The following MRGPRF variants were observed in gnomAD, a reference collection of about 807,000 sequenced individuals.
The protein encoded by MRGPRF is MAS related GPR family member F.
Under a neutral mutation model 3.3 loss-of-function variants are expected in MRGPRF, and 2 were observed. The ratio of observed to expected loss-of-function variants is 0.61; its 90% CI spans 0.25 to 1.92. The LOEUF (loss-of-function observed/expected upper bound fraction) is 1.92. Ranked by LOEUF, MRGPRF falls within the 40% of genes most tolerant of loss-of-function variation. MRGPRF has a pLI of 0.16. For missense variants in MRGPRF, 500 were observed against 476.0 expected (o/e 1.05, Z -0.47); for synonymous variants, 242 against 222.7 (o/e 1.09, Z -0.77).
In MRGPRF at chr11:69,006,279, G is replaced by C; in HGVS notation, c.49-18C>G. 1 of 1,583,722 alleles carries C rather than the reference G, an allele frequency of 6.3e-7. No homozygotes were observed. The highest frequency in any genetic ancestry group is 8.6e-7 in the Non-Finnish European group (1 of 1,165,856). On this transcript the variant is annotated intron_variant, in intron 2 of 2. Coordinates refer to ENST00000309099, the MANE Select transcript of MRGPRF (RefSeq NM_145015.5). ...GGGCACATCTGCGCAGGTGCAGAGA[G>C]GGACACCTGTGATGCCGGCTGGCCC...
intron 1 of MRGPRF, among the ~76,000 whole-genome samples, chr11:69,010,340 G>A (rs1317203961): frequency 2.0e-5 from 3 of 152,262 alleles, no homozygotes; most frequent in African/African-American, 4.8e-5. Flanking sequence ...GGGTTTCCCA[G>A]CAATCGGTCC....
chr11:69,005,301 A>G lies in MRGPRF; in HGVS notation c.1009T>C (p.Cys337Arg). ...TPNTVTMEMQCPPGNAS is the reference protein window; with the variant it reads ...TPNTVTMEMQRPPGNAS ...TCTCAGGAGGCGTTCCCCGGGGGAC[A>G]CTGCATCTCCATGGTGACTGTGTTG... The change falls in exon 3 of 3, where the codon TGT becomes CGT. Residue 337 changes from cysteine (C) to arginine (R), a missense_variant. By Grantham distance (180) the Cys-to-Arg change is radical (BLOSUM62 -3). Transcript: ENST00000309099. The G allele has an allele frequency of 1.3e-6, 2 of 1,522,432 alleles. No homozygotes were observed. Among genetic ancestry groups the G allele is most frequent in the Non-Finnish European group, 1.8e-6 (2 of 1,139,270 alleles). 94.3% of individuals were successfully genotyped at this position (1,522,432 alleles called of 1,614,324 possible).
Position 69,013,204 on chromosome 11 carries a change from A to G in MRGPRF, c.-178T>C, listed in dbSNP as rs1860640690. On this transcript the variant is annotated 5_prime_UTR_variant, in exon 1 of 3. Transcript: ENST00000309099. ...CGCCGAGCGCGGCCCGGAGCCTTGGAAAATAGGAGCTCAGAGTAGAGCCCT... is the reference window on the plus strand; with the variant it reads ...CGCCGAGCGCGGCCCGGAGCCTTGGGAAATAGGAGCTCAGAGTAGAGCCCT... The G allele has an allele frequency of 6.6e-6, 1 of 152,136 alleles. No individual in the cohort carries two copies. Among genetic ancestry groups the G allele is most frequent in the Non-Finnish European group, 1.5e-5 (1 of 68,054 alleles). 9.4% of individuals were successfully genotyped at this position (152,136 alleles called of 1,614,324 possible).
At position 69,005,447 on chromosome 11, in the gene MRGPRF, G is replaced by C. The variant is rs1860453062; in HGVS notation, c.863C>G (p.Pro288Arg). Residue 288 changes from proline to arginine, a missense_variant, in exon 3 of 3, where the codon CCC becomes CGC. Coordinates refer to ENST00000309099, the MANE Select transcript of MRGPRF (RefSeq NM_145015.5). Reference sequence around the variant, plus strand: ...CCTCCCGGCCAGGAAGTAGACGATGGGCTTGGCGCTGCTGTTGATGCAGAT... The same window carrying C: ...CCTCCCGGCCAGGAAGTAGACGATGCGCTTGGCGCTGCTGTTGATGCAGAT... ...LCICINSSAK[P>R]IVYFLAGRDK... 1.9e-6 allele frequency: 3 copies of C among 1,589,550 alleles called. No individual in the cohort carries two copies. Among genetic ancestry groups the C allele is most frequent in the Non-Finnish European group, 2.6e-6 (3 of 1,168,226 alleles).
Position 69,009,917 on chromosome 11 carries a change from G to C in MRGPRF, c.-16C>G, listed in dbSNP as rs776925419. The C allele has an allele frequency of 1.9e-6, 3 of 1,599,516 alleles. No homozygotes were observed. The highest frequency in any genetic ancestry group is 1.7e-5 in the Admixed American group (1 of 59,286). ...TTCCAGCCATCTCCAGGCCTGGCGCGTCTGGGCCCCTGCTGGCAGCTCACC... is the reference window on the plus strand; with the variant it reads ...TTCCAGCCATCTCCAGGCCTGGCGCCTCTGGGCCCCTGCTGGCAGCTCACC... On this transcript the variant is annotated 5_prime_UTR_variant, in exon 2 of 3. Transcript: ENST00000309099.
chr11:69,009,504 G>C, intron 2 of MRGPRF: 1 of 582,492 alleles, frequency 1.7e-6, no homozygotes, highest in South Asian at 2.1e-5. Context: ...GCGTCCCAGG[G>C]CTTCCTGGCC....
chr11:69,009,848 A>T lies in MRGPRF; in HGVS notation c.48+6T>A, dbSNP rs1309228328. On this transcript the variant is annotated splice_donor_region_variant and intron_variant, in intron 2 of 2. Coordinates refer to ENST00000309099, the MANE Select transcript of MRGPRF (RefSeq NM_145015.5). ...AAGACCAGGGCCCTCCGCCTGTGGC[A>T]CTTACCTTGTTCCTGTTGCCGGGAT... 3.7e-6 allele frequency: 6 copies of T among 1,608,850 alleles called. No individual in the cohort carries two copies. Among genetic ancestry groups the T allele is most frequent in the Admixed American group, 1.7e-5 (1 of 59,950 alleles).
chr11:69,008,974 G>C (rs1261242640), intron 2 of MRGPRF, among the ~76,000 whole-genome samples: 1 of 152,226 alleles, frequency 6.6e-6, no homozygotes, highest in Non-Finnish European at 1.5e-5. Flanking sequence ...TAGAATGCCT[G>C]CTCTGGAGCC....
At position 69,005,173 on chromosome 11, in the gene MRGPRF, T is replaced by A; in HGVS notation, c.*105A>T. On this transcript the variant is annotated 3_prime_UTR_variant, in exon 3 of 3. Transcript: ENST00000309099. ...AGGAGGCCCGAGGAGAGGAAACAGA[T>A]CTTTCTTCTCCTGTATGGACTCAGA... is the stretch of plus-strand genomic sequence containing the variant. The A allele has an allele frequency of 6.6e-6, 9 of 1,355,582 alleles. No homozygotes were observed. Among genetic ancestry groups the A allele is most frequent in the African/African-American group, 1.5e-5 (1 of 67,906 alleles). The allele number at this position is 1,355,582 out of a possible 1,614,324, so 84.0% of individuals were successfully genotyped here. A position where few individuals can be genotyped will look rare whatever the true frequency, so the allele number is the denominator to read the frequency against.
intron 1 of MRGPRF, among the ~76,000 whole-genome samples, chr11:69,010,831 T>C (rs1406800213): frequency 6.6e-6 from 1 of 152,134 alleles, no homozygotes; most frequent in Non-Finnish European, 1.5e-5. Flanking sequence ...CTCATGGGTC[T>C]GCCTGCCTTG....
At chr11:69,010,134 G>C (rs1860566214) in intron 1 of MRGPRF, among the ~76,000 whole-genome samples, 177 bp from the exon 2 acceptor site, 1 of 152,246 alleles carries the variant, frequency 6.6e-6, no homozygotes, top group Non-Finnish European at 1.5e-5. Context: ...AGATTCTGGA[G>C]GTCACCCCTG....
At position 69,009,780 on chromosome 11, in the gene MRGPRF, A is replaced by T. The variant is rs571185598; in HGVS notation, c.48+74T>A. On this transcript the variant is annotated intron_variant, in intron 2 of 2. Coordinates refer to ENST00000309099, the MANE Select transcript of MRGPRF (RefSeq NM_145015.5). The stretch of plus-strand genomic sequence containing the variant: ...CAGGAAGGGGGGGATGGGGGAGGAG[A>T]TGCTGGGCTGGGTCTGCCCCTCCCA... The T allele has an allele frequency of 8.6e-5, 132 of 1,532,418 alleles. No homozygotes were observed. The African/African-American group carries it at 1.6e-3, about 18-fold the overall frequency. 94.9% of individuals were successfully genotyped at this position (1,532,418 alleles called of 1,614,324 possible).
chr11:69,010,321 T>A (rs1258859119), intron 1 of MRGPRF, among the ~76,000 whole-genome samples: 1 of 152,244 alleles, frequency 6.6e-6, no homozygotes, highest in Non-Finnish European at 1.5e-5. Flanking sequence ...CTGCCTGGTG[T>A]GGGGACAGGG....
chr11:69,013,382 C>A (rs574909444), upstream of MRGPRF: 2 of 152,472 alleles, frequency 1.3e-5, no homozygotes, highest in Non-Finnish European at 2.9e-5. Flanking sequence ...CTCAGGAGCC[C>A]CCCCCAGAGC....
At position 69,011,199 on chromosome 11, in the gene MRGPRF, C is replaced by G. The variant is rs568149945; in HGVS notation, c.-56-1242G>C. ...GGGCCGTACTCCTGGCCTCCGCGCC[C>G]ACCATTGGCTAGAAGAGGTGGCCGT... On this transcript the variant is annotated intron_variant, in intron 1 of 2. Transcript: ENST00000309099. Among the ~76,000 whole-genome samples, 632 of 152,300 alleles carry G rather than the reference C, an allele frequency of 4.1e-3. 2 individuals are homozygous for G. Among genetic ancestry groups the G allele is most frequent in the Non-Finnish European group, 7.2e-3 (490 of 68,000 alleles).
intron 2 of MRGPRF, chr11:69,009,386 G>T (rs1860548886): frequency 4.6e-6 from 2 of 434,012 alleles, no homozygotes; most frequent in Non-Finnish European, 8.1e-6. Flanking sequence ...GAGTCTCAGG[G>T]TGGGTGACTC....
chr11:69,006,212 AG>A lies in MRGPRF; in HGVS notation c.97del (p.Leu33Ter). ...CAGCATCGCGATCTGCTCGATGGTC[AG>A]GAAGCCCCGGCTGTAGAGTTCCGGG... ...EAPELYSRGF[L>X]TIEQIAMLPP... On this transcript the variant is annotated frameshift_variant, in exon 3 of 3. Coordinates refer to ENST00000309099, the MANE Select transcript of MRGPRF (RefSeq NM_145015.5). LOFTEE classifies it low-confidence loss of function (END_TRUNC). 1 of 1,613,598 alleles carries A rather than the reference AG, an allele frequency of 6.2e-7. No homozygotes were observed. Among genetic ancestry groups the A allele is most frequent in the Non-Finnish European group, 8.5e-7 (1 of 1,180,028 alleles).
In MRGPRF at chr11:69,005,767, G is replaced by T; in HGVS notation, c.543C>A (p.Phe181Leu). 4 of 1,547,088 alleles carry T rather than the reference G, an allele frequency of 2.6e-6. No individual in the cohort carries two copies. The highest frequency in any genetic ancestry group is 3.5e-6 in the Non-Finnish European group (4 of 1,145,138). The change falls in exon 3 of 3, where the codon TTC (phenylalanine) becomes TTA (leucine). Residue 181 changes from phenylalanine (F) to leucine (L), a missense_variant. Transcript: ENST00000309099. ...GGGCCCCGCGGCCCAGGAACACGCA[G>T]AAGTAGTTGTGCAGGCAGGTGACCA... Reference protein sequence around the residue: ...SLLVTCLHNYFCVFLGRGAPG... With the variant: ...SLLVTCLHNYLCVFLGRGAPG...
In MRGPRF at chr11:69,004,508, G is replaced by A. The variant is rs910626050; in HGVS notation, c.*770C>T. On this transcript the variant is annotated 3_prime_UTR_variant, in exon 3 of 3. Transcript: ENST00000309099. Reference sequence around the variant, plus strand: ...CCAGTCCCCAGGTGGCCAGGGCGGAGCCAGTGTCCACTTTCGGGTGGGGGC... The same window carrying A: ...CCAGTCCCCAGGTGGCCAGGGCGGAACCAGTGTCCACTTTCGGGTGGGGGC... 2 of 152,328 alleles carry A rather than the reference G, an allele frequency of 1.3e-5. No individual in the cohort carries two copies. The highest frequency in any genetic ancestry group is 2.9e-5 in the Non-Finnish European group (2 of 68,102). The allele number at this position is 152,328 out of a possible 1,614,324, so 9.4% of individuals were successfully genotyped here. A position where few individuals can be genotyped will look rare whatever the true frequency, so the allele number is the denominator to read the frequency against.
Sources: allele counts gnomAD v4.1 joint callset (sites outside exome capture counted in the v4.1 genomes callset), GRCh38; gene constraint gnomAD v4.1.1; transcripts MANE v1.5; gene names NCBI Gene and HGNC (gene_info 2026-07-23, HGNC 2026-07-21).